The following ERC2 variants were observed in gnomAD, a reference collection of about 807,000 sequenced individuals.
ERC2 encodes ERC protein 2.
A neutral mutation model predicts 114.8 loss-of-function variants in ERC2; 42 were observed. The ratio of observed to expected loss-of-function variants is 0.37; its 90% CI spans 0.29 to 0.47. The LOEUF (loss-of-function observed/expected upper bound fraction) is 0.47. Among genes scored for constraint, ERC2 ranks in the 20% least tolerant of loss-of-function variants. The pLI is 0.99. For missense variants in ERC2, 939 were observed against 1,150.7 expected (o/e 0.82, Z 2.66); for synonymous variants, 454 against 425.5 (o/e 1.07, Z -0.82).
intron 16 of ERC2, among the ~76,000 whole-genome samples, chr3:55,694,179 A>G (rs2062813109): frequency 6.6e-6 from 1 of 152,198 alleles, no homozygotes; most frequent in Admixed American, 6.5e-5. Context: ...GTTTGCCACC[A>G]ATGTATAGTA....
intron 17 of ERC2, among the ~76,000 whole-genome samples, chr3:55,511,622 AC>A (rs1372805074): frequency 1.3e-5 from 2 of 152,252 alleles, no homozygotes; most frequent in African/African-American, 2.4e-5. Context: ...CTATATGTCA[AC>A]TTTTATTCTC....
At chr3:55,846,246 T>C (rs1485307219) in intron 14 of ERC2, among the ~76,000 whole-genome samples, 1 of 152,242 alleles carries the variant, frequency 6.6e-6, no homozygotes, top group Non-Finnish European at 1.5e-5. Flanking sequence ...GAACATATGG[T>C]ATTTGGTTTT....
intron 12 of ERC2, among the ~76,000 whole-genome samples, chr3:55,983,564 T>A (rs1332183817): frequency 6.6e-6 from 1 of 151,980 alleles, no homozygotes; most frequent in Non-Finnish European, 1.5e-5. Context: ...AGCATGAGAG[T>A]CTACATAGAG....
At chr3:55,575,450 T>G (rs1043500244) in intron 17 of ERC2, among the ~76,000 whole-genome samples, 2 of 152,194 alleles carry the variant, frequency 1.3e-5, no homozygotes, top group Non-Finnish European at 2.9e-5. Flanking sequence ...GCTGCTTTAC[T>G]CTGACTAGCC....
intron 14 of ERC2, among the ~76,000 whole-genome samples, chr3:55,771,259 C>T (rs1315181749): frequency 1.3e-5 from 2 of 152,188 alleles, no homozygotes; most frequent in African/African-American, 4.8e-5. Flanking sequence ...TACACTCCCA[C>T]CAACTGTTGG....
chr3:55,930,163 T>C (rs1391578849), intron 13 of ERC2, among the ~76,000 whole-genome samples: 1 of 152,088 alleles, frequency 6.6e-6, no homozygotes, highest in African/African-American at 2.4e-5. Context: ...TGCTTGACCC[T>C]GGGAGGCAGA....
chr3:56,365,531 T>C (rs564717143), intron 2 of ERC2, among the ~76,000 whole-genome samples: 1 of 152,340 alleles, frequency 6.6e-6, no homozygotes. Flanking sequence ...TTGTTATCTA[T>C]CCTCTACCAG....
At chr3:55,837,885 T>A (rs1169684994) in intron 14 of ERC2, among the ~76,000 whole-genome samples, 1 of 150,590 alleles carries the variant, frequency 6.6e-6, no homozygotes, top group Non-Finnish European at 1.5e-5. Context: ...ACATATACCA[T>A]ACAAAAACTA....
At chr3:56,052,336 G>A (rs1250596192) in intron 7 of ERC2, among the ~76,000 whole-genome samples, 1 of 152,220 alleles carries the variant, frequency 6.6e-6, no homozygotes, top group Non-Finnish European at 1.5e-5. Context: ...ACATTAAATA[G>A]AGAGCCAGTA....
chr3:56,213,192 G>A (rs760005833), intron 3 of ERC2, among the ~76,000 whole-genome samples: 3 of 152,150 alleles, frequency 2.0e-5, no homozygotes, highest in South Asian at 2.1e-4. Context: ...GCGGTGCACC[G>A]AGCATGAGCC....
At chr3:55,688,433 C>A (rs2062449401) in intron 16 of ERC2, among the ~76,000 whole-genome samples, 1 of 152,092 alleles carries the variant, frequency 6.6e-6, no homozygotes, top group South Asian at 2.1e-4. Flanking sequence ...AAATTCCAGC[C>A]TGTCTAACCA....
intron 2 of ERC2, among the ~76,000 whole-genome samples, chr3:56,395,875 G>T (rs566231884): frequency 6.6e-6 from 1 of 152,332 alleles, no homozygotes; most frequent in East Asian, 1.9e-4. Context: ...CCTTGAATGA[G>T]ATGTCCAGGA....
rs2060078200 is a variant in ERC2, at chr3:56,390,177, TAGCTTTTCCATC to T, written c.657+44162_657+44173del. Among the ~76,000 whole-genome samples the T allele has an allele frequency of 2.0e-5, 3 of 152,156 alleles. No individual in the cohort carries two copies. The South Asian group carries it at 6.2e-4, about 32-fold the overall frequency. On this transcript the variant is annotated intron_variant, in intron 2 of 17. Coordinates refer to ENST00000288221, the MANE Select transcript of ERC2 (RefSeq NM_015576.3). ...GCCCTATTAGAAACCATTCTTTAATTAGCTTTTCCATCAGCTTTTCCATCCACTATATTTTAC... is the reference window on the plus strand; with the variant it reads ...GCCCTATTAGAAACCATTCTTTAATTAGCTTTTCCATCCACTATATTTTAC...
At chr3:55,713,084 G>A (rs2063859021) in intron 15 of ERC2, among the ~76,000 whole-genome samples, 1 of 145,896 alleles carries the variant, frequency 6.9e-6, no homozygotes, top group South Asian at 2.2e-4. Flanking sequence ...CTGGTTGTTA[G>A]TTCCTCTGCC....
chr3:56,338,078 A>C (rs1211309073), intron 2 of ERC2, among the ~76,000 whole-genome samples: 1 of 152,250 alleles, frequency 6.6e-6, no homozygotes, highest in African/African-American at 2.4e-5. Context: ...CTAGCATTTA[A>C]GAATGCATAC....
chr3:55,843,312 T>C (rs541544595), intron 14 of ERC2, among the ~76,000 whole-genome samples: 1 of 152,308 alleles, frequency 6.6e-6, no homozygotes, highest in South Asian at 2.1e-4. Flanking sequence ...GGCAGAGGGA[T>C]AAGATAGAAG....
intron 17 of ERC2, among the ~76,000 whole-genome samples, chr3:55,615,814 C>T (rs546980455): frequency 3.3e-5 from 5 of 152,222 alleles, no homozygotes; most frequent in East Asian, 3.9e-4. Flanking sequence ...AAGTGGCATG[C>T]GAGCAGGAAC....
intron 17 of ERC2, among the ~76,000 whole-genome samples, chr3:55,665,841 A>T (rs964003502): frequency 5.3e-5 from 8 of 152,162 alleles, no homozygotes. Context: ...GCTTCCATAC[A>T]TGGACTCTGC....
chr3:56,206,287 C>T (rs942105913), intron 3 of ERC2, among the ~76,000 whole-genome samples: 1 of 152,058 alleles, frequency 6.6e-6, no homozygotes, highest in Admixed American at 6.6e-5. Context: ...ATCCATGCCT[C>T]CAAAGCTTTT....
Sources: allele counts gnomAD v4.1 joint callset (sites outside exome capture counted in the v4.1 genomes callset), GRCh38; gene constraint gnomAD v4.1.1; transcripts MANE v1.5; gene names NCBI Gene and HGNC (gene_info 2026-07-23, HGNC 2026-07-21).